LANCL3: variants seen among roughly 807,000 people sequenced by gnomAD.
LANCL3 encodes lanC-like protein 3.
In LANCL3, 19 loss-of-function variants were observed where a neutral mutation model predicts 26.5. That is an observed-to-expected ratio of 0.72 (90% CI 0.50 to 1.05). The LOEUF is 1.05. LANCL3 is among the 50% of genes least tolerant of loss of function. LANCL3 has a pLI of 0.00. For synonymous variants in LANCL3, 160 were observed against 166.6 expected (o/e 0.96, Z 0.30); for missense variants, 318 against 362.7 (o/e 0.88, Z 1.00).
chrX:37,634,232 C>G (rs1193104047), intron 1 of LANCL3, among the ~76,000 whole-genome samples: 1 of 112,668 alleles, frequency 8.9e-6, no homozygotes, highest in African/African-American at 3.2e-5. Context: ...TAGGACCCTT[C>G]GAGACAGGTG....
intron 4 of LANCL3, among the ~76,000 whole-genome samples, chrX:37,672,692 T>C (rs1926712284): frequency 9.0e-6 from 1 of 111,705 alleles, no homozygotes; most frequent in Non-Finnish European, 1.9e-5. Context: ...TTCTTCCAAA[T>C]GGCGGGTGGA....
chrX:37,590,160 C>T (rs1455783981), intron 1 of LANCL3, among the ~76,000 whole-genome samples: 1 of 112,109 alleles, frequency 8.9e-6, no homozygotes, highest in East Asian at 2.8e-4. Context: ...TGCTCTGTTC[C>T]CCACTCCAAC....
rs1556415555 is a variant in LANCL3, at chrX:37,572,019, A to T, written c.149A>T (p.Glu50Val). Residue 50 changes from glutamate (E) to valine (V), a missense_variant, in exon 1 of 5, where the codon GAG becomes GTG. Glu to Val is a moderately radical substitution (Grantham distance 121). Coordinates refer to ENST00000378619, the MANE Select transcript of LANCL3 (RefSeq NM_001170331.2). ...CTTCCCCCACTCGGGGGCGGCGCGG[A>T]GGCCCGAGGGGCGACGGCGGGGGCT... The part of the protein sequence containing the change: ...QELPPLGGGA[E>V]ARGATAGASA... The T allele has an allele frequency of 8.4e-7, 1 of 1,186,066 alleles. No homozygotes were observed. Among genetic ancestry groups the T allele is most frequent in the Admixed American group, 2.3e-5 (1 of 43,215 alleles).
chrX:37,682,115 T>A lies in LANCL3; in HGVS notation c.*6302T>A, dbSNP rs1292310171. On this transcript the variant is annotated 3_prime_UTR_variant, in exon 5 of 5. Coordinates refer to ENST00000378619, the MANE Select transcript of LANCL3 (RefSeq NM_001170331.2). The stretch of plus-strand genomic sequence containing the variant: ...TATTTTTATTTTTTTATTTTTTTTT[T>A]TTTTTGAGACGGAGTCTCGCTCTGT... 2 of 106,553 alleles carry A rather than the reference T, an allele frequency of 1.9e-5. No homozygotes were observed. Among genetic ancestry groups the A allele is most frequent in the Middle Eastern group, 4.8e-3 (1 of 210 alleles). The allele number at this position is 106,553 out of a possible 1,213,427, so 8.8% of individuals were successfully genotyped here. A position where few individuals can be genotyped will look rare whatever the true frequency, so the allele number is the denominator to read the frequency against.
chrX:37,577,321 CA>C (rs1378692581), intron 1 of LANCL3, among the ~76,000 whole-genome samples: 1 of 112,469 alleles, frequency 8.9e-6, no homozygotes, highest in East Asian at 2.8e-4. Flanking sequence ...ACCATGTTAC[CA>C]AAACATTTTT....
At chrX:37,612,196 C>T (rs1556421259) in intron 1 of LANCL3, among the ~76,000 whole-genome samples, 1 of 111,835 alleles carries the variant, frequency 8.9e-6, no homozygotes, top group African/African-American at 3.2e-5. Flanking sequence ...CCCACCTTGG[C>T]CTCCCAAAGT....
At position 37,594,418 on chromosome X, in the gene LANCL3, T is replaced by C. The variant is rs782562092; in HGVS notation, c.573+21975T>C. On this transcript the variant is annotated intron_variant, in intron 1 of 4. Coordinates refer to ENST00000378619, the MANE Select transcript of LANCL3 (RefSeq NM_001170331.2). ...GAGAGGTTAAGTAGCTTTCCAAAGG[T>C]TATATGGTTGAGAAGTAGGATAATG... is the stretch of plus-strand genomic sequence containing the variant. 1.1e-4 allele frequency among the ~76,000 whole-genome samples: 12 copies of C among 111,510 alleles called. No individual in the cohort carries two copies. In the South Asian group the frequency reaches 4.5e-3, roughly 42 times the overall value.
At chrX:37,665,254 C>T (rs185792463) in intron 3 of LANCL3, among the ~76,000 whole-genome samples, 5 of 112,215 alleles carry the variant, frequency 4.5e-5, no homozygotes, top group Admixed American at 3.8e-4. Context: ...TAAAACCATC[C>T]ATAATCAGAA....
intron 1 of LANCL3, among the ~76,000 whole-genome samples, chrX:37,588,733 A>T (rs186170985): frequency 0.018 from 2,033 of 112,405 alleles, 65 homozygotes; most frequent in African/African-American, 0.063. Context: ...GGCCTGTTAA[A>T]GTGTGAGTAT....
intron 1 of LANCL3, among the ~76,000 whole-genome samples, chrX:37,591,356 T>C (rs1188070784): frequency 8.9e-5 from 10 of 111,753 alleles, no homozygotes; most frequent in Non-Finnish European, 1.7e-4. Context: ...TTAGAGGTTC[T>C]AGGCATCTCT....
chrX:37,649,719 C>G (rs1556428204), intron 1 of LANCL3, among the ~76,000 whole-genome samples: 1 of 111,159 alleles, frequency 9.0e-6, no homozygotes, highest in Non-Finnish European at 1.9e-5. Context: ...GGAGCATATA[C>G]CTCTTAGAGA....
At chrX:37,646,687 C>T (rs1276416961) in intron 1 of LANCL3, among the ~76,000 whole-genome samples, 1 of 111,709 alleles carries the variant, frequency 9.0e-6, no homozygotes, top group African/African-American at 3.3e-5. Flanking sequence ...GGACAGGCCA[C>T]GTGGTGGTAT....
At chrX:37,634,616 G>A (rs1925652789) in intron 1 of LANCL3, among the ~76,000 whole-genome samples, 1 of 112,551 alleles carries the variant, frequency 8.9e-6, no homozygotes, top group Non-Finnish European at 1.9e-5. Context: ...ATTTTGGATT[G>A]GTTCCTGTGA....
At chrX:37,658,348 G>A (rs928603303) in intron 2 of LANCL3, among the ~76,000 whole-genome samples, 1 of 112,290 alleles carries the variant, frequency 8.9e-6, no homozygotes, top group Admixed American at 9.4e-5. Context: ...ATCCAGGAAA[G>A]CCAATAATGT....
intron 1 of LANCL3, among the ~76,000 whole-genome samples, chrX:37,648,145 T>C (rs1225607550): frequency 8.9e-6 from 1 of 112,278 alleles, no homozygotes; most frequent in Non-Finnish European, 1.9e-5. Flanking sequence ...TCAACAGCAG[T>C]TTTACAAAAC....
intron 4 of LANCL3, among the ~76,000 whole-genome samples, chrX:37,671,720 A>T (rs1300150927): frequency 9.0e-6 from 1 of 111,506 alleles, no homozygotes; most frequent in Non-Finnish European, 1.9e-5. Context: ...TCAGACTTTC[A>T]CTCAAAAGTC....
At position 37,683,873 on chromosome X, in the gene LANCL3, A is replaced by G. The variant is rs1347793341; in HGVS notation, c.*8060A>G. On this transcript the variant is annotated 3_prime_UTR_variant, in exon 5 of 5. Transcript: ENST00000378619. ...TAAAAATAATGGGTATTTTGGTCCT[A>G]GTGAAAAAGTATAATGCAATACATG... 1 of 112,030 alleles carries G rather than the reference A, an allele frequency of 8.9e-6. No homozygotes were observed. The highest frequency in any genetic ancestry group is 1.9e-5 in the Non-Finnish European group (1 of 53,251). The allele number at this position is 112,030 out of a possible 1,213,427, so 9.2% of individuals were successfully genotyped here.
At chrX:37,598,032 T>C (rs1275835974) in intron 1 of LANCL3, among the ~76,000 whole-genome samples, 5 of 110,957 alleles carry the variant, frequency 4.5e-5, no homozygotes, top group Admixed American at 2.9e-4. Context: ...TATTTAGTTG[T>C]AAGAGTTCTT....
intron 4 of LANCL3, among the ~76,000 whole-genome samples, chrX:37,669,737 A>G (rs1415950744): frequency 8.9e-6 from 1 of 111,810 alleles, no homozygotes; most frequent in Non-Finnish European, 1.9e-5. Context: ...TCTTTATAGC[A>G]GTGCAAGAAT....
Sources: allele counts gnomAD v4.1 joint callset (sites outside exome capture counted in the v4.1 genomes callset), GRCh38; gene constraint gnomAD v4.1.1; transcripts MANE v1.5; gene names NCBI Gene and HGNC (gene_info 2026-07-23, HGNC 2026-07-21).